FGF3: variants seen among roughly 807,000 people sequenced by gnomAD.
The protein encoded by FGF3 is fibroblast growth factor 3.
A neutral mutation model predicts 9.8 loss-of-function variants in FGF3; 7 were observed. The observed-to-expected ratio is 0.72, with a 90% confidence interval of 0.41 to 1.35. The LOEUF is 1.35. FGF3 is among the 40% of genes most tolerant of loss of function. The pLI is 0.01. For synonymous variants in FGF3, 173 were observed against 157.2 expected, an observed-to-expected ratio of 1.10 and a Z score of -0.75; for missense variants, 390 against 345.6, an observed-to-expected ratio of 1.13 and a Z score of -1.02.
At chr11:69,816,197 T>C (rs1554981062) in intron 2 of FGF3, 123 bp downstream of exon 2, 1 of 814,838 alleles carries the variant, frequency 1.2e-6, no homozygotes, top group East Asian at 2.5e-5. Context: ...GGTCTGGTCC[T>C]AGCTTGGGTC....
chr11:69,810,730 CCCGGGGAG>C, intron 2 of FGF3, 30 bp from the exon 3 acceptor site: 1 of 1,530,730 alleles, frequency 6.5e-7, no homozygotes, highest in East Asian at 2.3e-5. Flanking sequence ...TGGTCAGTGC[CCCGGGGAG>C]ACTGTGGCAG....
chr11:69,810,491 G>C lies in FGF3; in HGVS notation c.534C>G (p.Phe178Leu), dbSNP rs782081344. Reference protein sequence around the residue: ...KTRRTQKSSLFLPRVLDHRDH... With the variant: ...KTRRTQKSSLLLPRVLDHRDH... ...CCCTGTGGTCCAGCACGCGGGGCAGGAACAGGGAGGACTTCTGTGTGCGGC... is the reference window on the plus strand; with the variant it reads ...CCCTGTGGTCCAGCACGCGGGGCAGCAACAGGGAGGACTTCTGTGTGCGGC... The change falls in exon 3 of 3, where the codon TTC becomes TTG. Residue 178 changes from phenylalanine to leucine, a missense_variant. By Grantham distance (22) the Phe-to-Leu change is conservative. Transcript: ENST00000334134. 2 of 1,609,286 alleles carry C rather than the reference G, an allele frequency of 1.2e-6. No individual in the cohort carries two copies. Among genetic ancestry groups the C allele is most frequent in the South Asian group, 2.2e-5 (2 of 90,356 alleles).
In FGF3 at chr11:69,816,421, T is replaced by C. The variant is rs782421361; in HGVS notation, c.223A>G (p.Ile75Val). The C allele has an allele frequency of 3.1e-6, 5 of 1,612,624 alleles. No individual in the cohort carries two copies. Among genetic ancestry groups the C allele is most frequent in the South Asian group, 2.2e-5 (2 of 91,054 alleles). Residue 75 changes from isoleucine (I) to valine (V), a missense_variant and splice_region_variant, in exon 2 of 3, where the codon ATT (isoleucine) becomes GTT (valine). Coordinates refer to ENST00000334134, the MANE Select transcript of FGF3 (RefSeq NM_005247.4). ...NGSLENSAYS[I>V]LEITAVEVGI... is the part of the protein sequence containing the mutation. ...ACCTCCACTGCCGTTATCTCCAAAA[T>C]ACCTAGAAGAAATGAGAGGTGCCTC...
At chr11:69,812,037 A>G (rs1314338980) in intron 2 of FGF3, among the ~76,000 whole-genome samples, 1 of 152,214 alleles carries the variant, frequency 6.6e-6, no homozygotes, top group Non-Finnish European at 1.5e-5. Flanking sequence ...TCCCAGCTAC[A>G]GGCAAGTGGT....
chr11:69,812,948 T>C (rs1856051841), intron 2 of FGF3, among the ~76,000 whole-genome samples: 1 of 146,736 alleles, frequency 6.8e-6, no homozygotes, highest in Non-Finnish European at 1.5e-5. Flanking sequence ...GTAGGGCACC[T>C]GGGGTGGCCA....
Position 69,816,335 on chromosome 11 carries a change from T to C in FGF3, c.309A>G (p.Gly103=). 2 of 1,613,696 alleles carry C rather than the reference T, an allele frequency of 1.2e-6. No individual in the cohort carries two copies. Among genetic ancestry groups the C allele is most frequent in the South Asian group, 1.1e-5 (1 of 91,050 alleles). The change falls in exon 2 of 3, where the codon GGA becomes GGG. Residue 103 remains glycine (G), a synonymous_variant. Coordinates refer to ENST00000334134, the MANE Select transcript of FGF3 (RefSeq NM_005247.4). The part of the protein sequence containing the change: ...SGRYLAMNKR[G]RLYASEHYSA... ...CTGGACTCACCGAAGCATAGAGTCG[T>C]CCCCTCTTGTTCATGGCCAGGTACC...
chr11:69,817,318 C>T (rs896397072), intron 1 of FGF3, among the ~76,000 whole-genome samples: 1 of 152,118 alleles, frequency 6.6e-6, no homozygotes, highest in African/African-American at 2.4e-5. Context: ...CGGGCTTTTG[C>T]TCCAGCCCAG....
Position 69,810,156 on chromosome 11 carries a change from C to A in FGF3, c.*149G>T. 1 of 787,262 alleles carries A rather than the reference C, an allele frequency of 1.3e-6. No individual in the cohort carries two copies. The highest frequency in any genetic ancestry group is 1.9e-6 in the Non-Finnish European group (1 of 513,152). 48.8% of individuals were successfully genotyped at this position (787,262 alleles called of 1,614,324 possible). A position where few individuals can be genotyped will look rare whatever the true frequency, so the allele number is the denominator to read the frequency against. ...CTCCGACTTGGGCCCTCTTCAGTTC[C>A]CACTGGACCCTGATTTGAGCTGGCT... is the stretch of plus-strand genomic sequence containing the variant. On this transcript the variant is annotated 3_prime_UTR_variant, in exon 3 of 3. Coordinates refer to ENST00000334134, the MANE Select transcript of FGF3 (RefSeq NM_005247.4).
At chr11:69,814,561 C>T (rs1856097204) in intron 2 of FGF3, among the ~76,000 whole-genome samples, 1 of 152,048 alleles carries the variant, frequency 6.6e-6, no homozygotes, top group Non-Finnish European at 1.5e-5. Flanking sequence ...TGAGGGCAAG[C>T]ATGCTGCCGG....
At chr11:69,813,800 A>ATGGGTGGATGGG (rs1856076068) in intron 2 of FGF3, among the ~76,000 whole-genome samples, 3 of 118,336 alleles carry the variant, frequency 2.5e-5, no homozygotes, top group African/African-American at 7.1e-5. Flanking sequence ...GGATGGATGG[A>ATGGGTGGATGGG]TGGATGGGTG....
chr11:69,816,453 G>A (rs555944091), intron 1 of FGF3, 30 bp from the exon 2 acceptor site: 13 of 1,571,756 alleles, frequency 8.3e-6, no homozygotes, highest in Admixed American at 3.3e-5. Flanking sequence ...CCTCACTCCC[G>A]CCGCCCCCAC....
chr11:69,813,848 A>C (rs202001578), intron 2 of FGF3, among the ~76,000 whole-genome samples: 4,601 of 57,064 alleles, frequency 0.081, 7 homozygotes, highest in African/African-American at 0.1. Flanking sequence ...GGCTGGTTGG[A>C]TGGATGGGTG....
chr11:69,819,092 A>G lies in FGF3; in HGVS notation c.-159T>C. 4 of 349,366 alleles carry G rather than the reference A, an allele frequency of 1.1e-5. No individual in the cohort carries two copies. Among genetic ancestry groups the G allele is most frequent in the Non-Finnish European group, 1.5e-5 (3 of 197,002 alleles). 21.6% of individuals were successfully genotyped at this position (349,366 alleles called of 1,614,324 possible). Reference sequence around the variant, plus strand: ...GGGAAAGGTGGGGGAAGAAGGGGGAAGGGTGGGCGAGAGAGAGAAAGAGAG... The same window carrying G: ...GGGAAAGGTGGGGGAAGAAGGGGGAGGGGTGGGCGAGAGAGAGAAAGAGAG... On this transcript the variant is annotated 5_prime_UTR_variant, in exon 1 of 3. Transcript: ENST00000334134.
chr11:69,814,292 C>G (rs1251597652), intron 2 of FGF3, among the ~76,000 whole-genome samples: 2 of 151,838 alleles, frequency 1.3e-5, no homozygotes, highest in Non-Finnish European at 2.9e-5. Flanking sequence ...TGAAGAGATG[C>G]AGGGGCGTGG....
In FGF3 at chr11:69,810,603, G is replaced by C; in HGVS notation, c.422C>G (p.Pro141Arg). 6.2e-7 allele frequency: 1 copy of C among 1,611,142 alleles called. No individual in the cohort carries two copies. Among genetic ancestry groups the C allele is most frequent in the Non-Finnish European group, 8.5e-7 (1 of 1,178,598 alleles). The change falls in exon 3 of 3, where the codon CCT becomes CGT. Residue 141 changes from proline (P) to arginine (R), a missense_variant. Physicochemically the swap from Pro to Arg is moderately radical, Grantham distance 103. Transcript: ENST00000334134. ...GGCGCTGGGCTGCCGGCGGGCCCCA[G>C]GCGTACTAGACACCGTCCGGTACAG... is the stretch of plus-strand genomic sequence containing the variant. The part of the protein sequence containing the change: ...SRLYRTVSST[P>R]GARRQPSAER...
At position 69,816,723 on chromosome 11, in the gene FGF3, C is replaced by A. The variant is rs59570859; in HGVS notation, c.221-300G>T. Among the ~76,000 whole-genome samples the A allele has an allele frequency of 4.3e-4, 66 of 152,322 alleles. No homozygotes were observed. The East Asian group carries it at 0.01, about 24-fold the overall frequency. ...TTCATTCGAGCCTCACAACACCTTG[C>A]CAGCTGCCATCATCATCCGACAGAC... On this transcript the variant is annotated intron_variant, in intron 1 of 2. Transcript: ENST00000334134.
chr11:69,810,541 G>T lies in FGF3; in HGVS notation c.484C>A (p.Arg162=), dbSNP rs782403025. ...CGGGTCTTGAAGCCCCTGCGGGGCC[G>T]GCCCTTGCCGTTCACAGACACGTAC... ...LWYVSVNGKG[R]PRRGFKTRRT... is the part of the protein sequence containing the mutation. The change falls in exon 3 of 3, where the codon CGG becomes AGG. Residue 162 remains arginine (R), a synonymous_variant. Transcript: ENST00000334134. The T allele has an allele frequency of 3.0e-5, 48 of 1,612,252 alleles. 1 individual carries two copies. The Middle Eastern group carries it at 6.6e-4, about 22-fold the overall frequency.
intron 2 of FGF3, among the ~76,000 whole-genome samples, chr11:69,812,724 C>T (rs1446912475): frequency 1.3e-5 from 2 of 152,136 alleles, no homozygotes; most frequent in East Asian, 3.9e-4. Flanking sequence ...GTGAGAAGCT[C>T]AGGGCAGGAC....
intron 2 of FGF3, among the ~76,000 whole-genome samples, chr11:69,813,951 G>T (rs117270730): frequency 0.1 from 14,794 of 145,270 alleles, 1,232 homozygotes; most frequent in East Asian, 0.17. Flanking sequence ...TGGGTGGATG[G>T]GTGGATGGGT....
Sources: allele counts gnomAD v4.1 joint callset (sites outside exome capture counted in the v4.1 genomes callset), GRCh38; gene constraint gnomAD v4.1.1; transcripts MANE v1.5; gene names NCBI Gene and HGNC (gene_info 2026-07-23, HGNC 2026-07-21).